The following RC3H2 variants were observed in gnomAD, a reference collection of about 807,000 sequenced individuals.
The protein encoded by RC3H2 is roquin-2.
A neutral mutation model predicts 133.3 loss-of-function variants in RC3H2; 31 were observed. The observed-to-expected ratio is 0.23, with a 90% CI of 0.17 to 0.31. The LOEUF is 0.31. RC3H2 is among the 10% of genes least tolerant of loss of function. The pLI, the probability that RC3H2 is intolerant of heterozygous loss-of-function variation, is 1.00. For missense variants in RC3H2, 1,175 were observed against 1,437.2 expected (o/e 0.82, Z 2.95); for synonymous variants, 517 against 502.2 (o/e 1.03, Z -0.40).
intron 4 of RC3H2, among the ~76,000 whole-genome samples, chr9:122,883,742 G>A (rs1407314337): frequency 6.6e-6 from 1 of 152,150 alleles, no homozygotes; most frequent in African/African-American, 2.4e-5. Context: ...AGCACGTTGA[G>A]AGGCCGAGGC....
At chr9:122,877,135 AAC>A (rs1484159677) in intron 9 of RC3H2, among the ~76,000 whole-genome samples, 17 of 152,152 alleles carry the variant, frequency 1.1e-4, no homozygotes, top group Non-Finnish European at 7.3e-5. Flanking sequence ...CAGTGGTGTG[AAC>A]ACACTCACTG....
intron 18 of RC3H2, among the ~76,000 whole-genome samples, chr9:122,853,583 C>T (rs947789167): frequency 1.3e-5 from 2 of 152,040 alleles, no homozygotes; most frequent in Non-Finnish European, 2.9e-5. Context: ...GAAACCCTGT[C>T]TCTACTAAAA....
At chr9:122,894,244 G>C (rs928918633) in intron 2 of RC3H2, among the ~76,000 whole-genome samples, 20 of 151,240 alleles carry the variant, frequency 1.3e-4, no homozygotes, top group African/African-American at 4.9e-4. Flanking sequence ...GGGCGACAGA[G>C]CAAGACTCCG....
In RC3H2 at chr9:122,877,684, T is replaced by C. The variant is rs1026379447; in HGVS notation, c.1213-101A>G. The C allele has an allele frequency of 8.4e-6, 7 of 828,750 alleles. No individual in the cohort carries two copies. The African/African-American group carries it at 8.5e-5, about 10-fold the overall frequency. 51.3% of individuals were successfully genotyped at this position (828,750 alleles called of 1,614,324 possible). A position where few individuals can be genotyped will look rare whatever the true frequency, so the allele number is the denominator to read the frequency against. ...CTTTATAATTACACCTTTAATTCTT[T>C]TTCACATTAGACAAGTAATTCTTGT... On this transcript the variant is annotated intron_variant, in intron 8 of 20. Transcript: ENST00000357244.
At chr9:122,880,507 CTGTT>C in intron 6 of RC3H2, 83 bp downstream of exon 6, 2 of 1,016,892 alleles carry the variant, frequency 2.0e-6, no homozygotes, top group Non-Finnish European at 3.0e-6. Flanking sequence ...GAATCTCCAA[CTGTT>C]TGTGTATAGA....
At chr9:122,851,960 C>T (rs1215102044) in intron 18 of RC3H2, among the ~76,000 whole-genome samples, 1 of 148,962 alleles carries the variant, frequency 6.7e-6, no homozygotes, top group African/African-American at 2.5e-5. Context: ...GGCCGCCCAT[C>T]GTCTGGGATG....
Position 122,876,606 on chromosome 9 carries a change from C to T in RC3H2, c.1325+865G>A, listed in dbSNP as rs769557163. 3.4e-5 allele frequency among the ~76,000 whole-genome samples: 5 copies of T among 147,286 alleles called. No homozygotes were observed. In the South Asian group the frequency reaches 6.4e-4, roughly 19 times the overall value. ...TCATGCCACTGCACTCCACCCTGGG[C>T]GACAGAGCAAGACTCCACCTCAAAA... On this transcript the variant is annotated intron_variant, in intron 9 of 20. Coordinates refer to ENST00000357244, the MANE Select transcript of RC3H2 (RefSeq NM_001100588.3).
chr9:122,868,749 T>A (rs976317999), intron 9 of RC3H2, among the ~76,000 whole-genome samples: 2 of 150,910 alleles, frequency 1.3e-5, no homozygotes, highest in African/African-American at 2.4e-5. Context: ...AAAAAATAAA[T>A]AAATAAATAA....
intron 9 of RC3H2, among the ~76,000 whole-genome samples, chr9:122,871,605 G>A (rs1249770493): frequency 1.3e-5 from 2 of 151,948 alleles, no homozygotes; most frequent in Non-Finnish European, 2.9e-5. Context: ...TTACAGGCGT[G>A]AGCCACTGCG....
At chr9:122,863,612 A>G (rs191387671) in intron 10 of RC3H2, among the ~76,000 whole-genome samples, 6 of 152,352 alleles carry the variant, frequency 3.9e-5, no homozygotes, top group Non-Finnish European at 5.9e-5. Flanking sequence ...AATCCCTTAA[A>G]AGCAAAGTAT....
At chr9:122,857,347 C>A (rs569592489) in intron 13 of RC3H2, among the ~76,000 whole-genome samples, 1 of 152,180 alleles carries the variant, frequency 6.6e-6, no homozygotes, top group Non-Finnish European at 1.5e-5. Flanking sequence ...CATCCTGGTA[C>A]ACAAACTTGT....
chr9:122,873,225 T>C (rs1422211816), intron 9 of RC3H2, among the ~76,000 whole-genome samples: 2 of 152,216 alleles, frequency 1.3e-5, no homozygotes, highest in Non-Finnish European at 2.9e-5. Flanking sequence ...GGTAGCAATA[T>C]GTATTTTTTA....
chr9:122,845,424 T>G lies in RC3H2; in HGVS notation c.*4203A>C, dbSNP rs1829848478. 6.6e-6 allele frequency: 1 copy of G among 152,184 alleles called. No individual in the cohort carries two copies. Among genetic ancestry groups the G allele is most frequent in the Admixed American group, 6.5e-5 (1 of 15,278 alleles). 9.4% of individuals were successfully genotyped at this position (152,184 alleles called of 1,614,324 possible). A position where few individuals can be genotyped will look rare whatever the true frequency, so the allele number is the denominator to read the frequency against. ...CACTTCCATGCCTTGGGTTATAAAG[T>G]GAGGCCTAATTCTCGACAGGTTGAT... On this transcript the variant is annotated 3_prime_UTR_variant, in exon 21 of 21. Transcript: ENST00000357244.
chr9:122,885,481 G>T (rs1408799395), intron 4 of RC3H2, among the ~76,000 whole-genome samples: 1 of 152,150 alleles, frequency 6.6e-6, no homozygotes, highest in Non-Finnish European at 1.5e-5. Flanking sequence ...CTGAGGTCCA[G>T]AGAAGTTAAG....
intron 20 of RC3H2, among the ~76,000 whole-genome samples, chr9:122,850,299 T>C (rs188020593): frequency 1.3e-5 from 2 of 152,000 alleles, no homozygotes; most frequent in Non-Finnish European, 2.9e-5. Flanking sequence ...TTCCAAAAGT[T>C]ATGATAAAAA....
In RC3H2 at chr9:122,849,801, CA is replaced by C; in HGVS notation, c.3401del (p.Leu1134ArgfsTer3). 6.4e-7 allele frequency: 1 copy of C among 1,566,252 alleles called. No individual in the cohort carries two copies. The highest frequency in any genetic ancestry group is 8.6e-7 in the Non-Finnish European group (1 of 1,160,288). On this transcript the variant is annotated frameshift_variant, in exon 21 of 21. Coordinates refer to ENST00000357244, the MANE Select transcript of RC3H2 (RefSeq NM_001100588.3). LOFTEE classifies it high-confidence loss of function. ...GCTGGCTAAAGCAAGAAGTTACCGG[CA>C]GAATTGTTTTTTGCTCCTCCCTGAG... ...HVILEEQKTI[L>X]PVTSCFSQPL...
At chr9:122,867,483 G>A (rs1204895083) in intron 9 of RC3H2, among the ~76,000 whole-genome samples, 1 of 146,900 alleles carries the variant, frequency 6.8e-6, no homozygotes, top group Non-Finnish European at 1.5e-5. Context: ...CGCCCGGCCA[G>A]CCGCCCTGTC....
At chr9:122,900,006 C>A (rs1714555090) in intron 1 of RC3H2, among the ~76,000 whole-genome samples, 1 of 152,132 alleles carries the variant, frequency 6.6e-6, no homozygotes, top group South Asian at 2.1e-4. Flanking sequence ...GGAGTTTCAA[C>A]CATACAGAAA....
Position 122,877,546 on chromosome 9 carries a change from C to T in RC3H2, c.1250G>A (p.Arg417Gln), listed in dbSNP as rs1237918622. ...ACAACCCCCTTGCTGTCGCAAATCTCGGCACATGCTAGTCTTGTATTTGCT... is the reference window on the plus strand; with the variant it reads ...ACAACCCCCTTGCTGTCGCAAATCTTGGCACATGCTAGTCTTGTATTTGCT... ...PNSKYKTSMC[R>Q]DLRQQGGCPR... is the part of the protein sequence containing the mutation. The change falls in exon 9 of 21, where the codon CGA becomes CAA. Residue 417 changes from arginine to glutamine, a missense_variant. By Grantham distance (43) the Arg-to-Gln change is conservative. Around this residue, in one of 8 missense-constraint regions of RC3H2, gnomAD observed 131 missense variants for 154.2 expected, o/e 0.85. Coordinates refer to ENST00000357244, the MANE Select transcript of RC3H2 (RefSeq NM_001100588.3). The T allele has an allele frequency of 1.2e-6, 2 of 1,614,176 alleles. No individual in the cohort carries two copies. Among genetic ancestry groups the T allele is most frequent in the Non-Finnish European group, 1.7e-6 (2 of 1,179,998 alleles).
Sources: allele counts gnomAD v4.1 joint callset (sites outside exome capture counted in the v4.1 genomes callset), GRCh38; gene constraint gnomAD v4.1.1; regional missense constraint gnomAD v4.1.1; transcripts MANE v1.5; gene names NCBI Gene and HGNC (gene_info 2026-07-23, HGNC 2026-07-21).